The following PCDHGA4 variants were observed in gnomAD, a reference collection of about 807,000 sequenced individuals.
The protein encoded by PCDHGA4 is protocadherin gamma-A4.
PCDHGA4 carries 38 observed loss-of-function variants against 54.6 expected under a neutral mutation model. The ratio of observed to expected loss-of-function variants is 0.70; its 90% CI spans 0.54 to 0.91. PCDHGA4 has a LOEUF of 0.91. Ranked by LOEUF, PCDHGA4 falls within the 40% of genes least tolerant of loss-of-function variation. The probability of loss-of-function intolerance (pLI) is 0.00; values close to 1 mark genes in which losing one functional copy is unlikely to be tolerated. For missense variants in PCDHGA4, 1,298 were observed against 1,220.9 expected (o/e 1.06, Z -0.94); for synonymous variants, 511 against 512.9 (o/e 1.00, Z 0.05).
At chr5:141,358,893 T>C (rs1192445268) in intron 1 of PCDHGA4, among the ~76,000 whole-genome samples, 1 of 152,250 alleles carries the variant, frequency 6.6e-6, no homozygotes, top group African/African-American at 2.4e-5. Flanking sequence ...GGGATTATTT[T>C]ATATGAGGGA....
intron 1 of PCDHGA4, chr5:141,420,464 C>A: frequency 1.2e-6 from 1 of 801,488 alleles, no homozygotes; most frequent in South Asian, 4.0e-5. Flanking sequence ...TATTCAAAGA[C>A]ATTTTAAAGC....
intron 1 of PCDHGA4, among the ~76,000 whole-genome samples, chr5:141,449,909 A>G (rs2098658849): frequency 6.6e-6 from 1 of 151,828 alleles, no homozygotes; most frequent in Non-Finnish European, 1.5e-5. Context: ...TATAGTCCAT[A>G]TTTAAATTCT....
intron 1 of PCDHGA4, chr5:141,393,474 C>T (rs773609499): frequency 6.2e-7 from 1 of 1,613,926 alleles, no homozygotes; most frequent in African/African-American, 1.3e-5. Context: ...CGGCAAGCCG[C>T]CTCGCTCTAG....
chr5:141,427,865 G>A, intron 1 of PCDHGA4: 1 of 1,558,148 alleles, frequency 6.4e-7, no homozygotes. Flanking sequence ...GCGCCTTCGA[G>A]CTCACGATGC....
rs1386737349 is a variant in PCDHGA4 at position 141,486,423 on chromosome 5, C to T, written c.2515-8384C>T. The T allele has an allele frequency of 6.2e-7, 1 of 1,614,042 alleles. No individual in the cohort carries two copies. The highest frequency in any genetic ancestry group is 8.5e-7 in the Non-Finnish European group (1 of 1,180,030). ...ACTGCTGGACCCTTGGATCGAGAGG[C>T]CAAATCTAGCTATGACATCATGGTC... is the stretch of plus-strand genomic sequence containing the variant. On this transcript the variant is annotated intron_variant, in intron 1 of 3. Transcript: ENST00000571252. The surrounding 1 kb of genome is among the most constrained non-coding windows in gnomAD (Gnocchi z 5.0).
intron 1 of PCDHGA4, chr5:141,423,256 G>T (rs751894091): frequency 1.4e-5 from 22 of 1,613,816 alleles, no homozygotes; most frequent in Middle Eastern, 1.6e-4. Flanking sequence ...GGCGGACCTC[G>T]GCAGCCTCGA....
At chr5:141,393,129 A>G in intron 1 of PCDHGA4, 2 of 1,613,426 alleles carry the variant, frequency 1.2e-6, no homozygotes, top group Non-Finnish European at 1.7e-6. Context: ...TCTGATAAAT[A>G]TTAACACCCT....
chr5:141,361,118 C>T, intron 1 of PCDHGA4: 2 of 1,614,006 alleles, frequency 1.2e-6, no homozygotes, highest in Non-Finnish European at 8.5e-7. Flanking sequence ...GGAGATCTAG[C>T]AGCCCACTGC....
intron 1 of PCDHGA4, among the ~76,000 whole-genome samples, chr5:141,482,458 C>G (rs986628162): frequency 1.4e-5 from 2 of 147,624 alleles, no homozygotes; most frequent in African/African-American, 2.6e-5. Flanking sequence ...ATTAGCATCC[C>G]TATGTGCCAG....
intron 1 of PCDHGA4, among the ~76,000 whole-genome samples, chr5:141,444,152 ATTTTTTTTTTTTTTTTTTTTT>A (rs747671382): frequency 8.9e-5 from 3 of 33,882 alleles, no homozygotes; most frequent in Admixed American, 3.9e-4. Context: ...TGTGTACTGG[ATTTTTTTTTTTTTTTTTTTTT>A]TTTTTTTTTT....
intron 1 of PCDHGA4, among the ~76,000 whole-genome samples, chr5:141,402,701 G>T (rs1561683907): frequency 1.3e-5 from 2 of 152,178 alleles, no homozygotes; most frequent in African/African-American, 2.4e-5. Context: ...ACATCAGTGG[G>T]TGTAGTAACG....
intron 1 of PCDHGA4, among the ~76,000 whole-genome samples, chr5:141,381,588 C>A (rs950260472): frequency 6.6e-6 from 1 of 152,192 alleles, no homozygotes; most frequent in African/African-American, 2.4e-5. Context: ...AATCCATTAT[C>A]CAGTTTCTTA....
Position 141,384,300 on chromosome 5 carries a change from AG to A in PCDHGA4, c.2514+26683del, listed in dbSNP as rs751826409. The A allele has an allele frequency of 3.1e-6, 5 of 1,613,658 alleles. No homozygotes were observed. In the Admixed American group the frequency reaches 8.3e-5, roughly 27 times the overall value. On this transcript the variant is annotated intron_variant, in intron 1 of 3. Transcript: ENST00000571252. ...TCTACATCGCTGAGAACAACCCCAG[AG>A]GGGCCTCCATTTTCTTAGTGACTGC...
In PCDHGA4 at chr5:141,489,681, A is replaced by T; in HGVS notation, c.2515-5126A>T. ...AGATGCGCATCTCAGAATCAGCAGC[A>T]TCTGGGGCACGATTCCCACTGGACA... On this transcript the variant is annotated intron_variant, in intron 1 of 3. Transcript: ENST00000571252. This position sits in a 1 kb window ranked among gnomAD's most constrained non-coding sequence, Gnocchi z 4.5. 1 of 1,614,174 alleles carries T rather than the reference A, an allele frequency of 6.2e-7. No individual in the cohort carries two copies. The highest frequency in any genetic ancestry group is 8.5e-7 in the Non-Finnish European group (1 of 1,180,010).
chr5:141,500,554 C>A (rs2099801320), intron 2 of PCDHGA4, among the ~76,000 whole-genome samples: 1 of 152,212 alleles, frequency 6.6e-6, no homozygotes, highest in Admixed American at 6.5e-5. Context: ...AAGTTGTTCA[C>A]AAACTTGTCA....
At chr5:141,426,538 C>T (rs1038881219) in intron 1 of PCDHGA4, 2 of 346,308 alleles carry the variant, frequency 5.8e-6, no homozygotes, top group Non-Finnish European at 1.2e-5. Context: ...TGGGAACATA[C>T]TTGTGAGTGA....
Position 141,476,993 on chromosome 5 carries a change from C to A in PCDHGA4, c.2515-17814C>A. 6.2e-7 allele frequency: 1 copy of A among 1,614,244 alleles called. No individual in the cohort carries two copies. Among genetic ancestry groups the A allele is most frequent in the South Asian group, 1.1e-5 (1 of 91,086 alleles). Reference sequence around the variant, plus strand: ...CAGCCACAACCGCGCCGGCGTGCGGCAACTATTCGCCTTAGACCTTGTAAC... The same window carrying A: ...CAGCCACAACCGCGCCGGCGTGCGGAAACTATTCGCCTTAGACCTTGTAAC... On this transcript the variant is annotated intron_variant, in intron 1 of 3. Coordinates refer to ENST00000571252, the MANE Select transcript of PCDHGA4 (RefSeq NM_018917.4). This position sits in a 1 kb window ranked among gnomAD's most constrained non-coding sequence, Gnocchi z 7.6.
In PCDHGA4 at chr5:141,408,872, G is replaced by T. The variant is rs752537671; in HGVS notation, c.2514+51251G>T. 3.1e-6 allele frequency: 5 copies of T among 1,613,448 alleles called. No individual in the cohort carries two copies. The highest frequency in any genetic ancestry group is 4.2e-6 in the Non-Finnish European group (5 of 1,179,760). Reference sequence around the variant, plus strand: ...GGACGGAGGGGACCCACCAAGAAGTGCCACCGCTCACATAGAAATTTCTGT... The same window carrying T: ...GGACGGAGGGGACCCACCAAGAAGTTCCACCGCTCACATAGAAATTTCTGT... On this transcript the variant is annotated intron_variant, in intron 1 of 3. Transcript: ENST00000571252.
chr5:141,492,503 A>G (rs1341352458), intron 1 of PCDHGA4, among the ~76,000 whole-genome samples: 1 of 151,188 alleles, frequency 6.6e-6, no homozygotes, highest in Non-Finnish European at 1.5e-5. Context: ...AGGACTCCGG[A>G]GCCTCCTCTC....
Sources: gnomAD v4.1 joint callset for allele counts (sites outside exome capture counted in the v4.1 genomes callset) on GRCh38, gnomAD v4.1.1 for gene constraint, Gnocchi (gnomAD v3.1) non-coding constraint, MANE v1.5 for transcripts, NCBI Gene and HGNC (gene_info 2026-07-23, HGNC 2026-07-21) for gene names.